The following CPA6 variants were observed in gnomAD, a reference collection of about 807,000 sequenced individuals.
CPA6 encodes carboxypeptidase A6.
A neutral mutation model predicts 63.3 loss-of-function variants in CPA6; 58 were observed. The observed-to-expected ratio is 0.92, with a 90% CI of 0.74 to 1.14. CPA6 has a LOEUF of 1.14. CPA6 is among the 50% of genes most tolerant of loss of function. CPA6 has a pLI of 0.00. For synonymous variants in CPA6, 185 were observed against 179.0 expected (o/e 1.03, Z -0.27); for missense variants, 565 against 526.6 (o/e 1.07, Z -0.71).
At chr8:67,637,281 C>CACAT (rs754877688) in intron 1 of CPA6, among the ~76,000 whole-genome samples, 2 of 151,552 alleles carry the variant, frequency 1.3e-5, no homozygotes, top group Non-Finnish European at 2.9e-5. Flanking sequence ...TTTTGTAAAC[C>CACAT]ACATCATCTT....
At chr8:67,570,330 ACT>A (rs1813456017) in intron 2 of CPA6, among the ~76,000 whole-genome samples, 1 of 152,228 alleles carries the variant, frequency 6.6e-6, no homozygotes, top group African/African-American at 2.4e-5. Context: ...AGTTCTTTAA[ACT>A]GAAACAAAAG....
chr8:67,436,622 G>A (rs1810162253), intron 8 of CPA6, among the ~76,000 whole-genome samples: 1 of 151,970 alleles, frequency 6.6e-6, no homozygotes, highest in Non-Finnish European at 1.5e-5. Flanking sequence ...CTTGGGGATT[G>A]GTTAGAGTTT....
chr8:67,604,326 T>C (rs1814571541), intron 2 of CPA6, among the ~76,000 whole-genome samples: 1 of 152,186 alleles, frequency 6.6e-6, no homozygotes, highest in Admixed American at 6.5e-5. Context: ...CTGGCCCTTC[T>C]GCCTGGTAAA....
At chr8:67,548,309 C>T (rs528178163) in intron 2 of CPA6, among the ~76,000 whole-genome samples, 28 of 149,944 alleles carry the variant, frequency 1.9e-4, no homozygotes, top group African/African-American at 6.4e-4. Context: ...TGGAGCACAG[C>T]GGCATGATCT....
rs552041509 is a variant in CPA6 at position 67,455,663 on chromosome 8, C to CAAAAAAAAAAAAAAAAAAAAAAA, written c.839-21446_839-21424dup. 9.9e-5 allele frequency among the ~76,000 whole-genome samples: 3 copies of CAAAAAAAAAAAAAAAAAAAAAAA among 30,250 alleles called. 1 individual carries two copies. Among genetic ancestry groups the CAAAAAAAAAAAAAAAAAAAAAAA allele is most frequent in the African/African-American group, 3.1e-4 (2 of 6,410 alleles). The allele number at this position is 30,250 out of a possible 152,430, so 19.8% of individuals were successfully genotyped here. Reference sequence around the variant, plus strand: ...TAGTGAAGCCCCTTCTCTACAAAAGCAAAAAAAAAAAAAAAAAAAAAAAAA... The same window carrying CAAAAAAAAAAAAAAAAAAAAAAA: ...TAGTGAAGCCCCTTCTCTACAAAAGCAAAAAAAAAAAAAAAAAAAAAAAAAAAAAAAAAAAAAAAAAAAAAAAA... On this transcript the variant is annotated intron_variant, in intron 8 of 10. Coordinates refer to ENST00000297770, the MANE Select transcript of CPA6 (RefSeq NM_020361.5).
chr8:67,737,245 C>A (rs1010783865), intron 1 of CPA6, among the ~76,000 whole-genome samples: 2 of 152,156 alleles, frequency 1.3e-5, no homozygotes, highest in African/African-American at 4.8e-5. Context: ...TAGCCATACT[C>A]AATTGCCCTG....
intron 2 of CPA6, among the ~76,000 whole-genome samples, chr8:67,566,664 T>A (rs760222885): frequency 2.6e-5 from 4 of 152,188 alleles, no homozygotes; most frequent in Non-Finnish European, 5.9e-5. Context: ...CATGTACAAC[T>A]ATCTCATGGT....
intron 1 of CPA6, among the ~76,000 whole-genome samples, chr8:67,665,211 C>T (rs1464765291): frequency 6.6e-6 from 1 of 152,186 alleles, no homozygotes; most frequent in Non-Finnish European, 1.5e-5. Flanking sequence ...ATCCAAAAAA[C>T]ATTCAGGTTA....
Position 67,515,040 on chromosome 8 carries a change from C to T in CPA6, c.317+2883G>A, listed in dbSNP as rs559154768. Among the ~76,000 whole-genome samples, 16 of 152,332 alleles carry T rather than the reference C, an allele frequency of 1.1e-4. No individual in the cohort carries two copies. In the South Asian group the frequency reaches 3.1e-3, roughly 30 times the overall value. ...GTCACTGCCATTTGGCAACCCTTGG[C>T]TCAGCCCTCTAGAGAGACTGGGCCC... On this transcript the variant is annotated intron_variant, in intron 3 of 10. Transcript: ENST00000297770.
chr8:67,622,298 C>T (rs778170073), intron 2 of CPA6, among the ~76,000 whole-genome samples: 206 of 152,310 alleles, frequency 1.4e-3, no homozygotes, highest in Non-Finnish European at 2.3e-3. Context: ...TGCTTCTTTG[C>T]AATTAATAAG....
At chr8:67,655,319 A>G (rs1815958925) in intron 1 of CPA6, among the ~76,000 whole-genome samples, 1 of 152,152 alleles carries the variant, frequency 6.6e-6, no homozygotes, top group Admixed American at 6.6e-5. Context: ...TAGCAGTAAA[A>G]TCTCACAACA....
At chr8:67,491,131 C>T (rs1257872556) in intron 6 of CPA6, among the ~76,000 whole-genome samples, 1 of 151,474 alleles carries the variant, frequency 6.6e-6, no homozygotes, top group Non-Finnish European at 1.5e-5. Flanking sequence ...GTAAACACTG[C>T]GGCACCAAAA....
At chr8:67,632,237 C>G (rs1480951858) in intron 1 of CPA6, among the ~76,000 whole-genome samples, 1 of 151,914 alleles carries the variant, frequency 6.6e-6, no homozygotes, top group Non-Finnish European at 1.5e-5. Context: ...GGGGCATGAT[C>G]ACAGCTCACT....
chr8:67,491,833 G>A (rs1811612233), intron 6 of CPA6, among the ~76,000 whole-genome samples: 1 of 151,790 alleles, frequency 6.6e-6, no homozygotes, highest in Non-Finnish European at 1.5e-5. Context: ...GGTTACCACT[G>A]CTACAAATCA....
intron 1 of CPA6, among the ~76,000 whole-genome samples, chr8:67,703,531 T>A (rs1409448591): frequency 6.6e-6 from 1 of 152,224 alleles, no homozygotes; most frequent in Non-Finnish European, 1.5e-5. Flanking sequence ...TCGTCTGCCT[T>A]GGGGGCAAGT....
intron 1 of CPA6, among the ~76,000 whole-genome samples, chr8:67,644,408 A>G (rs927137553): frequency 2.6e-5 from 4 of 152,172 alleles, no homozygotes; most frequent in African/African-American, 7.2e-5. Context: ...GTGAGCCACC[A>G]TGCCCGGCCA....
At chr8:67,466,565 G>A (rs577800391) in intron 8 of CPA6, among the ~76,000 whole-genome samples, 1 of 152,108 alleles carries the variant, frequency 6.6e-6, no homozygotes, top group East Asian at 1.9e-4. Flanking sequence ...TCATTAATTT[G>A]GGCTTTCTAA....
chr8:67,698,211 A>G (rs1816948061), intron 1 of CPA6, among the ~76,000 whole-genome samples: 1 of 152,238 alleles, frequency 6.6e-6, no homozygotes, highest in Non-Finnish European at 1.5e-5. Flanking sequence ...ATGTCTGTCC[A>G]GATGGGGGTT....
Position 67,730,767 on chromosome 8 carries a change from T to C in CPA6, c.116+15247A>G, listed in dbSNP as rs538536994. Among the ~76,000 whole-genome samples, 90 of 152,354 alleles carry C rather than the reference T, an allele frequency of 5.9e-4. 1 individual carries two copies. The South Asian group carries it at 6.8e-3, about 12-fold the overall frequency. ...ATATGTTTCTACTATAAGAATATCA[T>C]AGTGGATATCTTTAGATTGAGTGAA... On this transcript the variant is annotated intron_variant, in intron 1 of 10. Coordinates refer to ENST00000297770, the MANE Select transcript of CPA6 (RefSeq NM_020361.5).
Sources: allele counts gnomAD v4.1 joint callset (sites outside exome capture counted in the v4.1 genomes callset), GRCh38; gene constraint gnomAD v4.1.1; transcripts MANE v1.5; gene names NCBI Gene and HGNC (gene_info 2026-07-23, HGNC 2026-07-21).